Variants in METTL15 observed in about 807,000 individuals in gnomAD.
The protein encoded by METTL15 is methyltransferase 15, mitochondrial 12S rRNA N4-cytidine.
Under a neutral mutation model 38.3 loss-of-function variants are expected in METTL15, and 34 were observed. That is an observed-to-expected ratio of 0.89 (90% CI 0.68 to 1.18). The LOEUF (loss-of-function observed/expected upper bound fraction) is 1.18. METTL15 is among the 50% of genes most tolerant of loss of function. The pLI, the probability that METTL15 is intolerant of heterozygous loss-of-function variation, is 0.00. For synonymous variants in METTL15, 162 were observed against 170.9 expected (o/e 0.95, Z 0.41); for missense variants, 438 against 498.4 (o/e 0.88, Z 1.15).
At chr11:28,467,131 G>T (rs764855649) in intron 6 of METTL15, among the ~76,000 whole-genome samples, 1 of 152,014 alleles carries the variant, frequency 6.6e-6, no homozygotes, top group Non-Finnish European at 1.5e-5. Flanking sequence ...TGCTGCAGAG[G>T]GCATCTCATC....
At chr11:28,268,685 A>T (rs1855528243) in intron 4 of METTL15, among the ~76,000 whole-genome samples, 1 of 152,186 alleles carries the variant, frequency 6.6e-6, no homozygotes, top group Non-Finnish European at 1.5e-5. Context: ...TATTTGAGAA[A>T]TATCCTTTCT....
intron 3 of METTL15, among the ~76,000 whole-genome samples, chr11:28,158,117 A>G (rs1193465106): frequency 6.6e-6 from 1 of 152,154 alleles, no homozygotes; most frequent in African/African-American, 2.4e-5. Flanking sequence ...ACTTGGAAGA[A>G]GCATGATTGG....
At chr11:28,379,188 GTTAAT>G (rs71050958) in intron 5 of METTL15, among the ~76,000 whole-genome samples, 52,524 of 150,768 alleles carry the variant, frequency 0.35, 9,372 homozygotes, top group East Asian at 0.43. Flanking sequence ...CTTCTGTATT[GTTAAT>G]TTAGTCTAAA....
intron 6 of METTL15, among the ~76,000 whole-genome samples, chr11:28,443,666 G>T (rs1851053348): frequency 2.0e-5 from 3 of 152,120 alleles, no homozygotes. Context: ...ATCTCCAGTT[G>T]CTTAGGCCAA....
At chr11:28,444,026 C>T (rs1851056060) in intron 6 of METTL15, among the ~76,000 whole-genome samples, 1 of 152,126 alleles carries the variant, frequency 6.6e-6, no homozygotes, top group African/African-American at 2.4e-5. Flanking sequence ...CATGTAATTA[C>T]AAACTATAAA....
At chr11:28,204,548 A>G (rs969213935) in intron 3 of METTL15, among the ~76,000 whole-genome samples, 2 of 148,260 alleles carry the variant, frequency 1.3e-5, no homozygotes, top group Non-Finnish European at 3.0e-5. Flanking sequence ...TTGGTAAACC[A>G]TAAAGCAATA....
chr11:28,204,740 T>C (rs777856711), intron 3 of METTL15, among the ~76,000 whole-genome samples: 1 of 151,992 alleles, frequency 6.6e-6, no homozygotes, highest in African/African-American at 2.4e-5. Context: ...GTAATGATGA[T>C]ATAAGGTAAT....
intron 3 of METTL15, among the ~76,000 whole-genome samples, chr11:28,114,663 C>A (rs1047645450): frequency 6.6e-6 from 1 of 152,144 alleles, no homozygotes; most frequent in Admixed American, 6.5e-5. Flanking sequence ...GTTGGCCAGG[C>A]TGGTCATGAA....
chr11:28,303,694 A>G (rs1400250712), intron 6 of METTL15, among the ~76,000 whole-genome samples: 2 of 152,192 alleles, frequency 1.3e-5, no homozygotes, highest in Non-Finnish European at 2.9e-5. Flanking sequence ...AAATAAATCA[A>G]TAAAAGGATA....
intron 4 of METTL15, among the ~76,000 whole-genome samples, chr11:28,234,512 TG>T (rs1853848254): frequency 6.6e-6 from 1 of 151,854 alleles, no homozygotes; most frequent in African/African-American, 2.4e-5. Flanking sequence ...TGGTGTGAGA[TG>T]GTATCTCATT....
At chr11:28,442,035 A>G (rs1305456185) in intron 6 of METTL15, among the ~76,000 whole-genome samples, 1 of 152,240 alleles carries the variant, frequency 6.6e-6, no homozygotes, top group Non-Finnish European at 1.5e-5. Context: ...GGAAGTTGAT[A>G]TGCCTTTTAG....
chr11:28,368,994 G>A (rs1850217043), intron 5 of METTL15, among the ~76,000 whole-genome samples: 1 of 151,928 alleles, frequency 6.6e-6, no homozygotes, highest in Non-Finnish European at 1.5e-5. Flanking sequence ...ACACACTGGG[G>A]CCTGTCAGAG....
At chr11:28,452,024 T>C (rs1010568216) in intron 6 of METTL15, among the ~76,000 whole-genome samples, 5 of 152,232 alleles carry the variant, frequency 3.3e-5, no homozygotes, top group African/African-American at 4.8e-5. Flanking sequence ...ATGAAGAGCC[T>C]GGAATAACCA....
intron 4 of METTL15, among the ~76,000 whole-genome samples, chr11:28,257,016 A>C (rs970861381): frequency 1.3e-5 from 2 of 152,090 alleles, no homozygotes; most frequent in Non-Finnish European, 2.9e-5. Context: ...CCAAAATTCC[A>C]CTAGTTTTAT....
intron 3 of METTL15, among the ~76,000 whole-genome samples, chr11:28,173,705 G>T (rs947535105): frequency 6.6e-6 from 1 of 152,010 alleles, no homozygotes; most frequent in African/African-American, 2.4e-5. Context: ...CCTGTTCCAG[G>T]ATCACATCCA....
chr11:28,302,132 C>T (rs1439344116), intron 6 of METTL15, among the ~76,000 whole-genome samples: 1 of 151,954 alleles, frequency 6.6e-6, no homozygotes, highest in African/African-American at 2.4e-5. Flanking sequence ...GTGCTTGTCT[C>T]GAACTCTTGG....
intron 6 of METTL15, among the ~76,000 whole-genome samples, chr11:28,302,586 C>T (rs1020705678): frequency 1.3e-5 from 2 of 152,148 alleles, no homozygotes; most frequent in Non-Finnish European, 2.9e-5. Flanking sequence ...TGACTTGCTC[C>T]TCCTTGCCTT....
At chr11:28,327,973 A>G in intron 6 of METTL15, 1 of 954,294 alleles carries the variant, frequency 1.0e-6, no homozygotes, top group Non-Finnish European at 1.5e-6. Context: ...TATCAAAGAT[A>G]ATGCTAAGAA....
At chr11:28,326,521 C>A (rs1042762690) in intron 6 of METTL15, among the ~76,000 whole-genome samples, 1 of 152,016 alleles carries the variant, frequency 6.6e-6, no homozygotes, top group African/African-American at 2.4e-5. Context: ...TGTCCCATTG[C>A]CAGTCGATGT....
Sources: allele counts gnomAD v4.1 joint callset (sites outside exome capture counted in the v4.1 genomes callset), GRCh38; gene constraint gnomAD v4.1.1; transcripts MANE v1.5; gene names NCBI Gene and HGNC (gene_info 2026-07-23, HGNC 2026-07-21).